The following LSAMP variants were observed in gnomAD, a reference collection of about 807,000 sequenced individuals.
LSAMP encodes limbic system-associated membrane protein.
Under a neutral mutation model 38.6 loss-of-function variants are expected in LSAMP, and 7 were observed. The ratio of observed to expected loss-of-function variants is 0.18; its 90% CI spans 0.10 to 0.34. LSAMP has a LOEUF of 0.34. LSAMP is among the 10% of genes least tolerant of loss of function. The pLI is 1.00. For missense variants in LSAMP, 313 were observed against 420.0 expected, an observed-to-expected ratio of 0.75 and a Z score of 2.23; for synonymous variants, 154 against 166.8, an observed-to-expected ratio of 0.92 and a Z score of 0.59.
chr3:116,256,422 A>G (rs932471288), intron 1 of LSAMP, among the ~76,000 whole-genome samples: 2 of 152,198 alleles, frequency 1.3e-5, no homozygotes, highest in Admixed American at 1.3e-4. Flanking sequence ...AGGAAAAAGG[A>G]CAAGCCGTGA....
At chr3:116,347,067 G>A (rs2048072579) in intron 1 of LSAMP, among the ~76,000 whole-genome samples, 1 of 152,192 alleles carries the variant, frequency 6.6e-6, no homozygotes, top group African/African-American at 2.4e-5. Context: ...ATATACAAAT[G>A]TAGGGCAAAC....
intron 1 of LSAMP, among the ~76,000 whole-genome samples, chr3:116,387,457 T>A (rs1388066981): frequency 2.6e-5 from 4 of 152,152 alleles, no homozygotes; most frequent in African/African-American, 4.8e-5. Context: ...GTTTAAGCAT[T>A]CCAGAACCAT....
chr3:116,066,063 T>G (rs1170383341), intron 2 of LSAMP, among the ~76,000 whole-genome samples: 1 of 152,190 alleles, frequency 6.6e-6, no homozygotes, highest in Non-Finnish European at 1.5e-5. Flanking sequence ...AACAGAAACT[T>G]ATTTCTCACA....
chr3:116,243,811 A>G (rs10934323), intron 1 of LSAMP, among the ~76,000 whole-genome samples: 37,974 of 152,052 alleles, frequency 0.25, 5,423 homozygotes, highest in African/African-American at 0.39. Context: ...CATTTGTGAC[A>G]TTTTTCTTTT....
At chr3:115,961,852 G>T (rs1001879608) in intron 3 of LSAMP, among the ~76,000 whole-genome samples, 1 of 152,160 alleles carries the variant, frequency 6.6e-6, no homozygotes, top group South Asian at 2.1e-4. Flanking sequence ...TACCAAGAGG[G>T]TCCTTCAGAA....
intron 1 of LSAMP, among the ~76,000 whole-genome samples, chr3:116,124,402 A>G (rs1241990059): frequency 1.3e-5 from 2 of 152,212 alleles, no homozygotes; most frequent in Non-Finnish European, 2.9e-5. Context: ...ACACTGATCC[A>G]GTCTTTGAAA....
intron 1 of LSAMP, among the ~76,000 whole-genome samples, chr3:116,109,274 G>A (rs907164529): frequency 9.2e-5 from 14 of 152,166 alleles, no homozygotes; most frequent in South Asian, 4.1e-4. Flanking sequence ...ACTGTAAGCC[G>A]GACCAGGTGT....
chr3:116,349,404 A>C (rs185324121), intron 1 of LSAMP, among the ~76,000 whole-genome samples: 1 of 151,962 alleles, frequency 6.6e-6, no homozygotes, highest in Non-Finnish European at 1.5e-5. Context: ...TATGAGAAGC[A>C]AACTGTACAG....
intron 1 of LSAMP, among the ~76,000 whole-genome samples, chr3:116,244,795 C>A (rs1195648898): frequency 6.6e-6 from 1 of 152,096 alleles, no homozygotes; most frequent in Non-Finnish European, 1.5e-5. Flanking sequence ...TGGGCAATGA[C>A]CTCATTCTAT....
At chr3:116,328,957 C>T (rs1453049557) in intron 1 of LSAMP, among the ~76,000 whole-genome samples, 1 of 151,948 alleles carries the variant, frequency 6.6e-6, no homozygotes, top group Non-Finnish European at 1.5e-5. Flanking sequence ...ATTTACAGAT[C>T]TTTTTGGTAT....
chr3:115,856,767 C>G lies in LSAMP; in HGVS notation c.515-4150G>C, dbSNP rs1317975205. On this transcript the variant is annotated intron_variant, in intron 3 of 6. Coordinates refer to ENST00000490035, the MANE Select transcript of LSAMP (RefSeq NM_002338.5). Reference sequence around the variant, plus strand: ...AATTTGCTGGCACCCTGATCTTGGACTTCCCAAGCTCCAAAACTGTAAGAA... The same window carrying G: ...AATTTGCTGGCACCCTGATCTTGGAGTTCCCAAGCTCCAAAACTGTAAGAA... Among the ~76,000 whole-genome samples, 3 of 152,170 alleles carry G rather than the reference C, an allele frequency of 2.0e-5. No homozygotes were observed. In the East Asian group the frequency reaches 5.8e-4, roughly 29 times the overall value.
intron 2 of LSAMP, among the ~76,000 whole-genome samples, chr3:116,067,615 G>C (rs1168116148): frequency 8.5e-5 from 13 of 152,118 alleles, no homozygotes; most frequent in Admixed American, 7.9e-4. Context: ...ATCAATCATG[G>C]GCCATTTGGC....
At chr3:115,873,181 C>A (rs1231724711) in intron 3 of LSAMP, among the ~76,000 whole-genome samples, 1 of 151,890 alleles carries the variant, frequency 6.6e-6, no homozygotes, top group African/African-American at 2.4e-5. Context: ...ACCAGCCTGG[C>A]CAACATGACG....
intron 1 of LSAMP, among the ~76,000 whole-genome samples, chr3:116,381,377 C>G (rs762414752): frequency 2.6e-5 from 4 of 152,034 alleles, no homozygotes; most frequent in African/African-American, 9.7e-5. Context: ...TATTTCTTGA[C>G]AAACTTTCCT....
chr3:115,969,197 A>G (rs1022548320), intron 3 of LSAMP, among the ~76,000 whole-genome samples: 4 of 152,210 alleles, frequency 2.6e-5, no homozygotes, highest in African/African-American at 7.2e-5. Flanking sequence ...ATGTGTGGAT[A>G]GTTGTTAAAT....
chr3:115,834,663 G>T, intron 6 of LSAMP: 1 of 804,404 alleles, frequency 1.2e-6, no homozygotes, highest in Non-Finnish European at 1.6e-6. Context: ...TCTTTCTCAT[G>T]TTTAGTTATT....
chr3:116,403,924 T>C (rs1271962274), intron 1 of LSAMP, among the ~76,000 whole-genome samples: 4 of 132,144 alleles, frequency 3.0e-5, no homozygotes, highest in Non-Finnish European at 4.6e-5. Context: ...ATGGCTACTT[T>C]TGTAATTTTT....
In LSAMP at chr3:116,144,696, T is replaced by C. The variant is rs551551139; in HGVS notation, c.156-58140A>G. Among the ~76,000 whole-genome samples, 7 of 152,036 alleles carry C rather than the reference T, an allele frequency of 4.6e-5. No homozygotes were observed. In the South Asian group the frequency reaches 1.2e-3, roughly 27 times the overall value. On this transcript the variant is annotated intron_variant, in intron 1 of 6. Transcript: ENST00000490035. Reference sequence around the variant, plus strand: ...TTTGGATATAATTTAAAGTTTTCATTTGGCTACATTTCACTTCAGATTTAT... The same window carrying C: ...TTTGGATATAATTTAAAGTTTTCATCTGGCTACATTTCACTTCAGATTTAT...
chr3:116,398,353 A>G (rs2048796129), intron 1 of LSAMP, among the ~76,000 whole-genome samples: 1 of 152,166 alleles, frequency 6.6e-6, no homozygotes, highest in Non-Finnish European at 1.5e-5. Flanking sequence ...GACTAAGATG[A>G]TCATGTGTAA....
Sources: gnomAD v4.1 joint callset for allele counts (sites outside exome capture counted in the v4.1 genomes callset) on GRCh38, gnomAD v4.1.1 for gene constraint, MANE v1.5 for transcripts, NCBI Gene and HGNC (gene_info 2026-07-23, HGNC 2026-07-21) for gene names.